WIF1: variants seen among roughly 807,000 people sequenced by gnomAD.
WIF1 encodes the protein Wnt inhibitory factor 1.
Under a neutral mutation model 53.5 loss-of-function variants are expected in WIF1, and 35 were observed. The ratio of observed to expected loss-of-function variants is 0.65; its 90% CI spans 0.50 to 0.87. The LOEUF (loss-of-function observed/expected upper bound fraction) is 0.87, where lower values mean the gene tolerates loss of function less well. Ranked by LOEUF, WIF1 falls within the 40% of genes least tolerant of loss-of-function variation. WIF1 has a pLI of 0.00. For missense variants in WIF1, 467 were observed against 476.8 expected, an observed-to-expected ratio of 0.98 and a Z score of 0.19; for synonymous variants, 171 against 170.4, an observed-to-expected ratio of 1.00 and a Z score of -0.03.
intron 5 of WIF1, among the ~76,000 whole-genome samples, chr12:65,067,420 T>C (rs1337099893): frequency 2.0e-5 from 3 of 152,196 alleles, no homozygotes; most frequent in Admixed American, 6.5e-5. Context: ...TCAGTGGTGA[T>C]ACTAGCTTTT....
intron 2 of WIF1, chr12:65,095,988 C>T (rs1441224674): frequency 6.6e-6 from 1 of 152,150 alleles, no homozygotes; most frequent in African/African-American, 2.4e-5. Flanking sequence ...ACACCAAAAG[C>T]AATTTCAAGA....
chr12:65,118,653 T>C (rs959139205), intron 2 of WIF1, among the ~76,000 whole-genome samples: 1 of 152,226 alleles, frequency 6.6e-6, no homozygotes, highest in African/African-American at 2.4e-5. Flanking sequence ...TTCATGCCAG[T>C]TCCACTCTCC....
chr12:65,119,065 A>G (rs1883556231), intron 2 of WIF1, among the ~76,000 whole-genome samples: 2 of 152,228 alleles, frequency 1.3e-5, no homozygotes, highest in Admixed American at 6.5e-5. Context: ...CCACTTAGTT[A>G]ATGACCATCT....
intron 5 of WIF1, 55 bp downstream of exon 5, chr12:65,067,640 C>T (rs996846684): frequency 1.3e-6 from 2 of 1,536,026 alleles, no homozygotes; most frequent in African/African-American, 1.4e-5. Context: ...GGGGCTCCTG[C>T]ACGACATCCA....
intron 5 of WIF1, among the ~76,000 whole-genome samples, chr12:65,067,171 T>A: frequency 6.6e-6 from 1 of 152,302 alleles, no homozygotes; most frequent in South Asian, 2.1e-4. Context: ...TTCTTATTTC[T>A]TGAAGATGAA....
At chr12:65,071,569 A>T (rs974342494) in intron 3 of WIF1, among the ~76,000 whole-genome samples, 5 of 152,178 alleles carry the variant, frequency 3.3e-5, no homozygotes, top group African/African-American at 1.2e-4. Flanking sequence ...TCCTTCTTAT[A>T]GTTTTTAAAG....
chr12:65,105,329 G>A (rs918394130), intron 2 of WIF1, among the ~76,000 whole-genome samples: 73 of 152,136 alleles, frequency 4.8e-4, no homozygotes, highest in Admixed American at 4.6e-3. Context: ...TGATTTCTAC[G>A]GGGACATGGG....
chr12:65,071,574 T>C (rs1410338219), intron 3 of WIF1, among the ~76,000 whole-genome samples: 1 of 152,224 alleles, frequency 6.6e-6, no homozygotes, highest in Non-Finnish European at 1.5e-5. Flanking sequence ...CTTATAGTTT[T>C]TAAAGACCTA....
chr12:65,092,048 A>G (rs541999478), intron 2 of WIF1, among the ~76,000 whole-genome samples: 2 of 152,242 alleles, frequency 1.3e-5, no homozygotes, highest in South Asian at 2.1e-4. Flanking sequence ...ACTTCAGTGG[A>G]GAAAGATGGT....
At chr12:65,059,881 A>G (rs1445907820) in intron 7 of WIF1, among the ~76,000 whole-genome samples, 3 of 152,068 alleles carry the variant, frequency 2.0e-5, no homozygotes, top group African/African-American at 7.2e-5. Flanking sequence ...CTAACTCCTG[A>G]CCTCAGGTGA....
chr12:65,068,680 TGTG>T, intron 4 of WIF1, 81 bp downstream of exon 4: 1 of 1,111,210 alleles, frequency 9.0e-7, no homozygotes, highest in Non-Finnish European at 1.3e-6. Context: ...TGTGTGTGTG[TGTG>T]TGTATAGATA....
intron 2 of WIF1, among the ~76,000 whole-genome samples, chr12:65,093,648 A>G (rs1883158384): frequency 6.6e-6 from 1 of 152,188 alleles, no homozygotes; most frequent in Non-Finnish European, 1.5e-5. Context: ...TAGTTAGTCA[A>G]GCTGATTCAT....
chr12:65,058,557 A>C (rs986080829), intron 7 of WIF1, among the ~76,000 whole-genome samples: 2 of 152,230 alleles, frequency 1.3e-5, no homozygotes, highest in Admixed American at 1.3e-4. Flanking sequence ...AGGAGACGTT[A>C]GACATTCGAA....
At chr12:65,097,317 A>G (rs1481535736) in intron 2 of WIF1, among the ~76,000 whole-genome samples, 2 of 152,188 alleles carry the variant, frequency 1.3e-5, no homozygotes, top group Non-Finnish European at 2.9e-5. Context: ...TGCTCAAAAG[A>G]GAGGACAAGA....
chr12:65,096,155 C>T (rs1227257539), intron 2 of WIF1, among the ~76,000 whole-genome samples: 2 of 152,166 alleles, frequency 1.3e-5, no homozygotes, highest in Admixed American at 6.5e-5. Context: ...CTACAAGGAA[C>T]TTAAACAAAT....
chr12:65,100,846 T>A (rs1883271916), intron 2 of WIF1, among the ~76,000 whole-genome samples: 1 of 151,902 alleles, frequency 6.6e-6, no homozygotes, highest in African/African-American at 2.4e-5. Flanking sequence ...CATACTGAGA[T>A]CCCATCTCTA....
At chr12:65,066,846 C>G in intron 5 of WIF1, 110 bp from the exon 6 acceptor site, 1 of 598,216 alleles carries the variant, frequency 1.7e-6, no homozygotes, top group Non-Finnish European at 2.7e-6. Flanking sequence ...GTGGTTGACT[C>G]TAAAATGATT....
At chr12:65,052,801 G>T (rs2136605645) in intron 9 of WIF1, among the ~76,000 whole-genome samples, 1 of 152,246 alleles carries the variant, frequency 6.6e-6, no homozygotes, top group South Asian at 2.1e-4. Context: ...TTTGGAGGCT[G>T]GCAGACCTGT....
chr12:65,078,509 T>C (rs980796747), intron 2 of WIF1, among the ~76,000 whole-genome samples: 1 of 152,240 alleles, frequency 6.6e-6, no homozygotes, highest in African/African-American at 2.4e-5. Context: ...TTAATCATTC[T>C]TTAATACTCC....
Sources: gnomAD v4.1 joint callset for allele counts (sites outside exome capture counted in the v4.1 genomes callset) on GRCh38, gnomAD v4.1.1 for gene constraint, MANE v1.5 for transcripts, NCBI Gene and HGNC (gene_info 2026-07-23, HGNC 2026-07-21) for gene names.